Variants in MYOM2 observed in about 807,000 individuals in gnomAD.
MYOM2 encodes myomesin 2.
A neutral mutation model predicts 187.6 loss-of-function variants in MYOM2; 254 were observed. The ratio of observed to expected loss-of-function variants is 1.35; its 90% CI spans 1.22 to 1.50. The LOEUF is 1.50. MYOM2 is among the 40% of genes most tolerant of loss of function. MYOM2 has a pLI of 0.00. For missense variants in MYOM2, 2,796 were observed against 1,924.0 expected, an observed-to-expected ratio of 1.45 and a Z score of -8.48; for synonymous variants, 981 against 753.8, an observed-to-expected ratio of 1.30 and a Z score of -4.94.
At chr8:2,085,209 G>A in intron 13 of MYOM2, 54 bp from the exon 14 acceptor site, 1 of 1,590,348 alleles carries the variant, frequency 6.3e-7, no homozygotes. Context: ...GAGGTGGGCT[G>A]CAGCGAGGCT....
intron 27 of MYOM2, among the ~76,000 whole-genome samples, chr8:2,117,532 C>G (rs1797289592): frequency 6.6e-6 from 1 of 152,122 alleles, no homozygotes; most frequent in African/African-American, 2.4e-5. Flanking sequence ...TAGACATATA[C>G]TTTGGGAAAC....
At chr8:2,102,619 A>G in intron 20 of MYOM2, 48 bp from the exon 21 acceptor site, 1 of 1,340,866 alleles carries the variant, frequency 7.5e-7, no homozygotes, top group African/African-American at 1.4e-5. Context: ...CTCCACAGTC[A>G]TCTTTATTTT....
intron 28 of MYOM2, among the ~76,000 whole-genome samples, chr8:2,122,208 C>G (rs1797481717): frequency 6.6e-6 from 1 of 152,216 alleles, no homozygotes. Context: ...AGGGAATCGT[C>G]TGCTAGAGTC....
At chr8:2,099,757 A>T (rs756012000) in intron 19 of MYOM2, among the ~76,000 whole-genome samples, 27 of 152,202 alleles carry the variant, frequency 1.8e-4, no homozygotes, top group Admixed American at 1.0e-3. Context: ...CTCAAGTACC[A>T]GACCTTGATT....
chr8:2,079,010 C>T (rs2129336926), intron 12 of MYOM2, 77 bp downstream of exon 12: 4 of 1,419,236 alleles, frequency 2.8e-6, no homozygotes, highest in East Asian at 2.3e-5. Context: ...TGTCTCTTTC[C>T]CTCCCAACTC....
chr8:2,098,744 A>C, intron 18 of MYOM2, 113 bp from the exon 19 acceptor site: 2 of 1,204,006 alleles, frequency 1.7e-6, no homozygotes, highest in Non-Finnish European at 2.3e-6. Flanking sequence ...TTTCCCGACA[A>C]GGTTCCTTCC....
chr8:2,056,986 G>A (rs1818688126), intron 3 of MYOM2, among the ~76,000 whole-genome samples: 1 of 152,132 alleles, frequency 6.6e-6, no homozygotes, highest in Non-Finnish European at 1.5e-5. Context: ...TCTCTGAGTG[G>A]GTGCCTGTTG....
intron 6 of MYOM2, among the ~76,000 whole-genome samples, chr8:2,064,311 A>G (rs1024097662): frequency 2.6e-5 from 4 of 152,216 alleles, no homozygotes; most frequent in African/African-American, 7.2e-5. Context: ...CACTTCATAC[A>G]GTATGAAACA....
chr8:2,092,376 C>T lies in MYOM2; in HGVS notation c.1859C>T (p.Ala620Val), dbSNP rs889325654. The change falls in exon 16 of 37, where the codon GCT becomes GTT. Residue 620 changes from alanine to valine, a missense_variant. Ala to Val is a moderately conservative substitution (Grantham distance 64). Coordinates refer to ENST00000262113, the MANE Select transcript of MYOM2 (RefSeq NM_003970.4). Reference protein sequence around the residue: ...VVPSAPGRVLASRNTKTSVVV... With the variant: ...VVPSAPGRVLVSRNTKTSVVV... ...CCTTCTGCTCCGGGTCGGGTTCTTG[C>T]TTCCCGAAACACCAAGACGTCGGTG... is the stretch of plus-strand genomic sequence containing the variant. 6.2e-7 allele frequency: 1 copy of T among 1,614,118 alleles called. No homozygotes were observed. Among genetic ancestry groups the T allele is most frequent in the South Asian group, 1.1e-5 (1 of 91,084 alleles).
chr8:2,070,439 C>T (rs1365487858), intron 8 of MYOM2, among the ~76,000 whole-genome samples: 4 of 152,164 alleles, frequency 2.6e-5, no homozygotes, highest in South Asian at 2.1e-4. Flanking sequence ...ACTCGGTGAG[C>T]CCCCAAGACC....
intron 27 of MYOM2, 96 bp from the exon 28 acceptor site, chr8:2,117,789 A>G (rs1037691394): frequency 1.4e-6 from 1 of 728,958 alleles, no homozygotes; most frequent in Non-Finnish European, 2.2e-6. Context: ...TATACACACC[A>G]TGCATATATG....
chr8:2,129,101 A>T (rs1797760152), intron 31 of MYOM2, 26 bp from the exon 32 acceptor site: 1 of 1,555,648 alleles, frequency 6.4e-7, no homozygotes, highest in East Asian at 2.3e-5. Flanking sequence ...CTTTTCCTAG[A>T]TCTGAGGATG....
intron 12 of MYOM2, among the ~76,000 whole-genome samples, 187 bp downstream of exon 12, chr8:2,079,120 C>T (rs1405882793): frequency 2.0e-5 from 3 of 152,152 alleles, no homozygotes; most frequent in Non-Finnish European, 4.4e-5. Context: ...TGAAAACGGG[C>T]TGACGTACAC....
intron 1 of MYOM2, among the ~76,000 whole-genome samples, chr8:2,048,222 T>G (rs527634279): frequency 1.4e-3 from 212 of 152,350 alleles, no homozygotes; most frequent in African/African-American, 4.8e-3. Flanking sequence ...GGAGTGGAAT[T>G]GCCTGGTATT....
chr8:2,106,955 T>C (rs1247701926), intron 23 of MYOM2, among the ~76,000 whole-genome samples: 1 of 152,192 alleles, frequency 6.6e-6, no homozygotes, highest in Non-Finnish European at 1.5e-5. Flanking sequence ...CTTCCCTTCC[T>C]TCCAACACTG....
chr8:2,120,675 T>TATAA lies in MYOM2; in HGVS notation c.3454-2577_3454-2576insATAA, dbSNP rs1220891042. 5.6e-4 allele frequency among the ~76,000 whole-genome samples: 23 copies of TATAA among 41,432 alleles called. 4 individuals are homozygous for TATAA. Among genetic ancestry groups the TATAA allele is most frequent in the Admixed American group, 8.8e-4 (2 of 2,276 alleles). 27.2% of individuals were successfully genotyped at this position (41,432 alleles called of 152,430 possible). ...GATTTCCTGTATATATATATATATA[T>TATAA]TATATTATATATAAATATATAATAT... On this transcript the variant is annotated intron_variant, in intron 28 of 36. Transcript: ENST00000262113.
At chr8:2,053,752 G>A (rs1002436786) in intron 3 of MYOM2, among the ~76,000 whole-genome samples, 3 of 152,224 alleles carry the variant, frequency 2.0e-5, no homozygotes, top group African/African-American at 7.2e-5. Context: ...TGTCTTAGAC[G>A]TAGTAGAGAC....
chr8:2,056,265 G>A (rs1050840462), intron 3 of MYOM2, among the ~76,000 whole-genome samples: 1 of 152,194 alleles, frequency 6.6e-6, no homozygotes, highest in African/African-American at 2.4e-5. Context: ...GAAGGATGGA[G>A]TTTTGATTGA....
chr8:2,137,148 C>T (rs910657249), intron 32 of MYOM2, among the ~76,000 whole-genome samples: 3 of 151,080 alleles, frequency 2.0e-5, no homozygotes, highest in Non-Finnish European at 4.4e-5. Flanking sequence ...ATAGTTTTGG[C>T]ACATAATTTA....
Sources: allele counts gnomAD v4.1 joint callset (sites outside exome capture counted in the v4.1 genomes callset), GRCh38; gene constraint gnomAD v4.1.1; transcripts MANE v1.5; gene names NCBI Gene and HGNC (gene_info 2026-07-23, HGNC 2026-07-21).